SOX6: variants seen among roughly 807,000 people sequenced by gnomAD.
The protein encoded by SOX6 is transcription factor SOX-6.
A neutral mutation model predicts 97.8 loss-of-function variants in SOX6; 11 were observed. That is an observed-to-expected ratio of 0.11 (90% CI 0.07 to 0.19). The LOEUF (loss-of-function observed/expected upper bound fraction) is 0.19, where lower values mean the gene tolerates loss of function less well. SOX6 is among the 10% of genes least tolerant of loss of function. SOX6 has a pLI of 1.00. For synonymous variants in SOX6, 360 were observed against 371.4 expected (o/e 0.97, Z 0.35); for missense variants, 810 against 1,039.5 (o/e 0.78, Z 3.04).
intron 6 of SOX6, among the ~76,000 whole-genome samples, chr11:16,117,256 G>A (rs1268122461): frequency 6.6e-6 from 1 of 152,122 alleles, no homozygotes; most frequent in Non-Finnish European, 1.5e-5. Context: ...GGGAGGCTGA[G>A]GCAGGAGAAT....
intron 4 of SOX6, among the ~76,000 whole-genome samples, chr11:16,526,137 T>C (rs1221911004): frequency 6.6e-6 from 1 of 152,194 alleles, no homozygotes; most frequent in Non-Finnish European, 1.5e-5. Flanking sequence ...TTCCTGGGTA[T>C]ATACCCAAAG....
At chr11:16,023,984 C>G (rs1855144842) in intron 12 of SOX6, among the ~76,000 whole-genome samples, 2 of 152,070 alleles carry the variant, frequency 1.3e-5, no homozygotes, top group South Asian at 4.1e-4. Context: ...TTCATAGGTA[C>G]CCCTAGTACC....
At chr11:16,172,424 C>T (rs943786458) in intron 6 of SOX6, among the ~76,000 whole-genome samples, 4 of 152,042 alleles carry the variant, frequency 2.6e-5, no homozygotes, top group Non-Finnish European at 5.9e-5. Context: ...TACAGGCCCT[C>T]TTCTTAAATG....
intron 3 of SOX6, among the ~76,000 whole-genome samples, chr11:16,713,802 CT>C (rs1356668414): frequency 7.9e-5 from 12 of 152,180 alleles, no homozygotes; most frequent in African/African-American, 2.9e-4. Flanking sequence ...CCTTCCACTC[CT>C]GCAGAACTCA....
intron 10 of SOX6, among the ~76,000 whole-genome samples, chr11:16,053,550 C>T (rs1847737146): frequency 6.6e-6 from 1 of 152,040 alleles, no homozygotes; most frequent in African/African-American, 2.4e-5. Flanking sequence ...AATATTAACT[C>T]CAGTTTTTTT....
chr11:16,174,853 C>T (rs1851142555), intron 6 of SOX6, among the ~76,000 whole-genome samples: 3 of 152,022 alleles, frequency 2.0e-5, no homozygotes, highest in Admixed American at 2.0e-4. Context: ...TCTAACTTCA[C>T]AAGCACTATG....
intron 1 of SOX6, among the ~76,000 whole-genome samples, chr11:16,414,360 G>C (rs1858883016): frequency 6.6e-6 from 1 of 152,138 alleles, no homozygotes; most frequent in Non-Finnish European, 1.5e-5. Flanking sequence ...CATGAAAATA[G>C]TAAAAGCTGG....
chr11:16,333,856 G>C (rs1856382964), intron 2 of SOX6, among the ~76,000 whole-genome samples: 1 of 152,180 alleles, frequency 6.6e-6, no homozygotes, highest in Non-Finnish European at 1.5e-5. Context: ...GACAGGAAAA[G>C]TCAAACCACA....
chr11:16,373,990 A>G (rs1419106088), intron 1 of SOX6, among the ~76,000 whole-genome samples: 1 of 152,064 alleles, frequency 6.6e-6, no homozygotes, highest in African/African-American at 2.4e-5. Context: ...TGTAGCCCTC[A>G]GTATAGCTAA....
At chr11:16,648,412 C>T (rs1339412969) in intron 3 of SOX6, among the ~76,000 whole-genome samples, 2 of 152,100 alleles carry the variant, frequency 1.3e-5, no homozygotes, top group Non-Finnish European at 2.9e-5. Context: ...TTTCCCTACC[C>T]ACCCTGGTAG....
intron 1 of SOX6, among the ~76,000 whole-genome samples, chr11:16,462,486 C>T (rs537388097): frequency 6.6e-6 from 1 of 152,290 alleles, no homozygotes; most frequent in Non-Finnish European, 1.5e-5. Context: ...ATCATGCTTA[C>T]GTTTCCTCCT....
At chr11:16,570,474 G>GT (rs1346058549) in intron 4 of SOX6, among the ~76,000 whole-genome samples, 2 of 151,906 alleles carry the variant, frequency 1.3e-5, no homozygotes, top group African/African-American at 4.8e-5. Context: ...CTCTGGGAAC[G>GT]TATTTCCCAG....
chr11:16,506,549 GA>G (rs1860791822), intron 4 of SOX6, among the ~76,000 whole-genome samples: 2 of 152,236 alleles, frequency 1.3e-5, no homozygotes, highest in Admixed American at 6.5e-5. Flanking sequence ...GTACTGCTAA[GA>G]AGGCATGATT....
At chr11:16,725,132 G>A (rs931983191) in intron 2 of SOX6, among the ~76,000 whole-genome samples, 4 of 152,190 alleles carry the variant, frequency 2.6e-5, no homozygotes, top group African/African-American at 9.7e-5. Flanking sequence ...ACTGATGAAT[G>A]GACAAACAAA....
At chr11:16,084,533 A>G (rs947796881) in intron 9 of SOX6, among the ~76,000 whole-genome samples, 7 of 151,984 alleles carry the variant, frequency 4.6e-5, no homozygotes, top group African/African-American at 1.4e-4. Context: ...CCTAACCCCA[A>G]CCCTACTGAG....
chr11:16,556,175 T>C (rs2133188323), intron 4 of SOX6, among the ~76,000 whole-genome samples: 1 of 151,830 alleles, frequency 6.6e-6, no homozygotes, highest in Admixed American at 6.6e-5. Context: ...CGGCTGGAGA[T>C]ATTACTCAGT....
chr11:16,144,935 G>C lies in SOX6; in HGVS notation c.778-33012C>G, dbSNP rs561031631. ...CTACCAGAGGTACAAGGAGGAGCTG[G>C]TACCATTCCTTCTGAAATTATTCCA... is the stretch of plus-strand genomic sequence containing the variant. On this transcript the variant is annotated intron_variant, in intron 6 of 15. Transcript: ENST00000683767. Among the ~76,000 whole-genome samples, 4 of 152,316 alleles carry C rather than the reference G, an allele frequency of 2.6e-5. No homozygotes were observed. The South Asian group carries it at 8.3e-4, about 32-fold the overall frequency.
At chr11:16,275,206 C>T (rs563525582) in intron 3 of SOX6, among the ~76,000 whole-genome samples, 6 of 151,818 alleles carry the variant, frequency 4.0e-5, no homozygotes, top group Admixed American at 3.9e-4. Context: ...TCTTAGGAGC[C>T]CGAGGCGGGC....
rs557259879 is a variant in SOX6 at position 16,587,010 on chromosome 11, T to C, written n.609+25071A>G. Among the ~76,000 whole-genome samples, 18 of 152,340 alleles carry C rather than the reference T, an allele frequency of 1.2e-4. No homozygotes were observed. The South Asian group carries it at 3.7e-3, about 32-fold the overall frequency. On this transcript the variant is annotated intron_variant and non_coding_transcript_variant, in intron 4 of 5. Coordinates refer to the SOX6 transcript ENST00000524520. ...GACAGGGTTATGATGTACAAGACTT[T>C]CAGTTAACACCATGCCATGCAAAGC...
Sources: allele counts gnomAD v4.1 joint callset (sites outside exome capture counted in the v4.1 genomes callset), GRCh38; gene constraint gnomAD v4.1.1; transcripts MANE v1.5; gene names NCBI Gene and HGNC (gene_info 2026-07-23, HGNC 2026-07-21).